Variants in PCDHGC5 observed in about 807,000 individuals in gnomAD.
The protein encoded by PCDHGC5 is protocadherin gamma-C5.
Under a neutral mutation model 59.0 loss-of-function variants are expected in PCDHGC5, and 25 were observed. The ratio of observed to expected loss-of-function variants is 0.42; its 90% CI spans 0.31 to 0.59. PCDHGC5 has a LOEUF of 0.59. Ranked by LOEUF, PCDHGC5 falls within the 20% of genes least tolerant of loss-of-function variation. PCDHGC5 has a pLI of 0.13. For missense variants in PCDHGC5, 1,067 were observed against 1,206.4 expected (o/e 0.88, Z 1.71); for synonymous variants, 434 against 505.5 (o/e 0.86, Z 1.90).
chr5:141,510,813 C>T, intron 3 of PCDHGC5, 134 bp from the exon 4 acceptor site: 1 of 1,537,024 alleles, frequency 6.5e-7, no homozygotes, highest in South Asian at 1.2e-5. Flanking sequence ...CTTGGTGACC[C>T]CTATATTCCC....
At chr5:141,510,534 C>T (rs1187165551) in intron 3 of PCDHGC5, among the ~76,000 whole-genome samples, 2 of 152,126 alleles carry the variant, frequency 1.3e-5, no homozygotes, top group African/African-American at 2.4e-5. Context: ...AGAGAAATAC[C>T]AGCGAATGTG....
Position 141,511,313 on chromosome 5 carries a change from C to T in PCDHGC5, c.*140C>T. ...CCAAGGCCATGCTCCCCTTGGGAAA[C>T]AGAAACAAGTGCCCAGTCAGCACCT... On this transcript the variant is annotated 3_prime_UTR_variant, in exon 4 of 4. Transcript: ENST00000252087. 2 of 1,482,944 alleles carry T rather than the reference C, an allele frequency of 1.3e-6. No homozygotes were observed. The highest frequency in any genetic ancestry group is 2.3e-5 in the Admixed American group (1 of 43,596). 91.9% of individuals were successfully genotyped at this position (1,482,944 alleles called of 1,614,324 possible).
At chr5:141,494,156 C>T (rs566096073) in intron 1 of PCDHGC5, among the ~76,000 whole-genome samples, 22 of 152,316 alleles carry the variant, frequency 1.4e-4, no homozygotes, top group African/African-American at 4.3e-4. Context: ...TTGTCTGGCA[C>T]GGAGTTCTAG....
Position 141,493,806 on chromosome 5 carries a change from T to C in PCDHGC5, c.2461-1001T>C, listed in dbSNP as rs1339302166. On this transcript the variant is annotated intron_variant, in intron 1 of 3. Coordinates refer to ENST00000252087, the MANE Select transcript of PCDHGC5 (RefSeq NM_018929.3). This position sits in a 1 kb window ranked among gnomAD's most constrained non-coding sequence, Gnocchi z 4.3. ...TCCTTCTCCCTGGAGTAATCTGAGA[T>C]ACTCACACTCTCTGCTTCTGGGAGC... is the stretch of plus-strand genomic sequence containing the variant. Among the ~76,000 whole-genome samples, 1 of 152,162 alleles carries C rather than the reference T, an allele frequency of 6.6e-6. No homozygotes were observed. The highest frequency in any genetic ancestry group is 1.5e-5 in the Non-Finnish European group (1 of 68,038).
At chr5:141,505,143 CAG>C (rs1332770308) in intron 2 of PCDHGC5, among the ~76,000 whole-genome samples, 1 of 152,172 alleles carries the variant, frequency 6.6e-6, no homozygotes, top group Non-Finnish European at 1.5e-5. Context: ...GCCTGGATGA[CAG>C]AGTAAGACCC....
chr5:141,501,290 TACACACACACACACACACAC>T (rs55762287), intron 2 of PCDHGC5, among the ~76,000 whole-genome samples: 1 of 136,162 alleles, frequency 7.3e-6, no homozygotes, highest in Non-Finnish European at 1.6e-5. Flanking sequence ...TATTCCCTTA[TACACACACACACACACACAC>T]ACACACACAC....
chr5:141,490,846 G>T lies in PCDHGC5; in HGVS notation c.1606G>T (p.Val536Phe). 1 of 1,613,880 alleles carries T rather than the reference G, an allele frequency of 6.2e-7. No individual in the cohort carries two copies. Among genetic ancestry groups the T allele is most frequent in the Non-Finnish European group, 8.5e-7 (1 of 1,179,906 alleles). ...LLQMLQIVVG[V>F]RDSGSPPLHA... ...GCAGATGCTGCAGATTGTGGTGGGG[G>T]TTCGAGACTCCGGCTCTCCCCCATT... Residue 536 changes from valine (V) to phenylalanine (F), a missense_variant, in exon 1 of 4, where the codon GTT (valine) becomes TTT (phenylalanine). Val to Phe is a conservative substitution (Grantham distance 50). Coordinates refer to ENST00000252087, the MANE Select transcript of PCDHGC5 (RefSeq NM_018929.3). This position sits in a 1 kb window ranked among gnomAD's most constrained non-coding sequence, Gnocchi z 5.4.
At chr5:141,510,358 C>T (rs186470331) in intron 3 of PCDHGC5, among the ~76,000 whole-genome samples, 187 of 144,062 alleles carry the variant, frequency 1.3e-3, no homozygotes, top group African/African-American at 4.6e-3. Context: ...ACTAACGGAA[C>T]TACCGAATCT....
At chr5:141,504,236 C>A (rs1011850372) in intron 2 of PCDHGC5, among the ~76,000 whole-genome samples, 2 of 152,194 alleles carry the variant, frequency 1.3e-5, no homozygotes, top group African/African-American at 4.8e-5. Flanking sequence ...TTCTAAGAAG[C>A]AGAGAGTTCT....
Position 141,505,499 on chromosome 5 carries a change from G to T in PCDHGC5, c.2608+18G>T, listed in dbSNP as rs753203943. 4.3e-6 allele frequency: 7 copies of T among 1,614,172 alleles called. No individual in the cohort carries two copies. The South Asian group carries it at 7.7e-5, about 18-fold the overall frequency. ...CGCCAGTGGTAAGTGGTGTCAGTGTGTGTATGGAAGAGTGGGAGACCTGGG... is the reference window on the plus strand; with the variant it reads ...CGCCAGTGGTAAGTGGTGTCAGTGTTTGTATGGAAGAGTGGGAGACCTGGG... On this transcript the variant is annotated intron_variant, in intron 3 of 3. Coordinates refer to ENST00000252087, the MANE Select transcript of PCDHGC5 (RefSeq NM_018929.3).
In PCDHGC5 at chr5:141,502,866, CT is replaced by C. The variant is rs549047197; in HGVS notation, c.2520-2513del. Among the ~76,000 whole-genome samples the C allele has an allele frequency of 2.5e-3, 324 of 127,930 alleles. 1 individual carries two copies. Among genetic ancestry groups the C allele is most frequent in the Non-Finnish European group, 3.0e-3 (189 of 62,366 alleles). 83.9% of individuals were successfully genotyped at this position (127,930 alleles called of 152,430 possible). On this transcript the variant is annotated intron_variant, in intron 2 of 3. Transcript: ENST00000252087. ...GAGCTGCCTAACCCTGACTCTCTGT[CT>C]TTTTTTTTTTTTTGACAGGGAGTCT...
rs2154586601 is a variant in PCDHGC5, at chr5:141,491,555, A to G, written c.2315A>G (p.His772Arg). The G allele has an allele frequency of 6.2e-7, 1 of 1,613,986 alleles. No homozygotes were observed. The highest frequency in any genetic ancestry group is 2.2e-5 in the East Asian group (1 of 44,862). ...VTLRPTDSQSHCYRTCFSPAS... is the reference protein window; with the variant it reads ...VTLRPTDSQSRCYRTCFSPAS... ...CTGCGGCCCACAGACTCGCAGAGCC[A>G]CTGCTACAGGACGTGCTTTTCACCG... The change falls in exon 1 of 4, where the codon CAC (histidine) becomes CGC (arginine). Residue 772 changes from histidine (H) to arginine (R), a missense_variant. Transcript: ENST00000252087. This position sits in a 1 kb window ranked among gnomAD's most constrained non-coding sequence, Gnocchi z 6.9.
chr5:141,499,150 T>C (rs1424635509), intron 2 of PCDHGC5, among the ~76,000 whole-genome samples: 5 of 152,180 alleles, frequency 3.3e-5, no homozygotes, highest in Non-Finnish European at 1.5e-5. Context: ...CTGATCCCAA[T>C]AGCTGTTGTC....
At position 141,489,852 on chromosome 5, in the gene PCDHGC5, C is replaced by G. The variant is rs1197191101; in HGVS notation, c.612C>G (p.Ala204=). The part of the protein sequence containing the change: ...LVLEQQLDRE[A]QARHQLVLTA... ...TAGAGCAGCAGCTGGATCGTGAAGC[C>G]CAGGCAAGACATCAGCTGGTGCTTA... The change falls in exon 1 of 4, where the codon GCC becomes GCG. Residue 204 remains alanine, a synonymous_variant. Transcript: ENST00000252087. This position sits in a 1 kb window ranked among gnomAD's most constrained non-coding sequence, Gnocchi z 4.5. The G allele has an allele frequency of 6.2e-7, 1 of 1,614,034 alleles. No homozygotes were observed. Among genetic ancestry groups the G allele is most frequent in the Admixed American group, 1.7e-5 (1 of 60,004 alleles).
intron 2 of PCDHGC5, 166 bp from the exon 3 acceptor site, chr5:141,505,227 T>C: frequency 1.2e-6 from 1 of 840,112 alleles, no homozygotes; most frequent in Non-Finnish European, 1.4e-6. Context: ...TGTGGGATTC[T>C]GGCTTCTGAA....
At chr5:141,502,525 G>A (rs1258704254) in intron 2 of PCDHGC5, among the ~76,000 whole-genome samples, 1 of 152,074 alleles carries the variant, frequency 6.6e-6, no homozygotes, top group Non-Finnish European at 1.5e-5. Flanking sequence ...CAGTGATGCC[G>A]AGTTTGTTCG....
At chr5:141,501,570 G>C (rs1251110101) in intron 2 of PCDHGC5, among the ~76,000 whole-genome samples, 1 of 151,996 alleles carries the variant, frequency 6.6e-6, no homozygotes, top group African/African-American at 2.4e-5. Flanking sequence ...ATCATATTAG[G>C]CTGGCTTTCA....
At position 141,491,117 on chromosome 5, in the gene PCDHGC5, G is replaced by A; in HGVS notation, c.1877G>A (p.Gly626Asp). ...CTGTTCCTCGTGTCTACACACACTGGTGAGGTGCGCACAGCCCGGGCCTTA... is the reference window on the plus strand; with the variant it reads ...CTGTTCCTCGTGTCTACACACACTGATGAGGTGCGCACAGCCCGGGCCTTA... ...PGLFLVSTHT[G>D]EVRTARALLE... Residue 626 changes from glycine (G) to aspartate (D), a missense_variant, in exon 1 of 4, where the codon GGT becomes GAT. By Grantham distance (94) the Gly-to-Asp change is moderately conservative. Coordinates refer to ENST00000252087, the MANE Select transcript of PCDHGC5 (RefSeq NM_018929.3). The surrounding 1 kb of genome is among the most constrained non-coding windows in gnomAD (Gnocchi z 6.9). 1 of 1,614,196 alleles carries A rather than the reference G, an allele frequency of 6.2e-7. No homozygotes were observed.
rs894528472 is a variant in PCDHGC5 at position 141,489,718 on chromosome 5, C to A, written c.478C>A (p.Pro160Thr). 6.2e-7 allele frequency: 1 copy of A among 1,614,038 alleles called. No individual in the cohort carries two copies. Among genetic ancestry groups the A allele is most frequent in the African/African-American group, 1.3e-5 (1 of 74,934 alleles). ...ARFPLDSAQD[P>T]DVGTNTVSFY... ...ATTCCCACTGGACAGTGCCCAGGATCCGGATGTGGGCACCAATACTGTGAG... is the reference window on the plus strand; with the variant it reads ...ATTCCCACTGGACAGTGCCCAGGATACGGATGTGGGCACCAATACTGTGAG... Residue 160 changes from proline to threonine, a missense_variant, in exon 1 of 4, where the codon CCG becomes ACG. Coordinates refer to ENST00000252087, the MANE Select transcript of PCDHGC5 (RefSeq NM_018929.3). This position sits in a 1 kb window ranked among gnomAD's most constrained non-coding sequence, Gnocchi z 4.5.
Sources: gnomAD v4.1 joint callset for allele counts (sites outside exome capture counted in the v4.1 genomes callset) on GRCh38, gnomAD v4.1.1 for gene constraint, Gnocchi (gnomAD v3.1) non-coding constraint, MANE v1.5 for transcripts, NCBI Gene and HGNC (gene_info 2026-07-23, HGNC 2026-07-21) for gene names.